The following SLMAP variants were observed in gnomAD, a reference collection of about 807,000 sequenced individuals.
The protein encoded by SLMAP is sarcolemma associated protein.
In SLMAP, 44 loss-of-function variants were observed where a neutral mutation model predicts 128.8. The observed-to-expected ratio is 0.34, with a 90% CI of 0.27 to 0.44. The LOEUF (loss-of-function observed/expected upper bound fraction) is 0.44. SLMAP is among the 20% of genes least tolerant of loss of function. The pLI, the probability that SLMAP is intolerant of heterozygous loss-of-function variation, is 1.00. For missense variants in SLMAP, 787 were observed against 985.3 expected (o/e 0.80, Z 2.69); for synonymous variants, 327 against 348.8 (o/e 0.94, Z 0.70).
At chr3:57,820,035 G>A (rs1252800047) in intron 2 of SLMAP, among the ~76,000 whole-genome samples, 4 of 152,150 alleles carry the variant, frequency 2.6e-5, no homozygotes, top group African/African-American at 9.7e-5. Flanking sequence ...ACAGGTGTGA[G>A]CCACTGTGCC....
chr3:57,895,603 G>C (rs1007004173), intron 15 of SLMAP, among the ~76,000 whole-genome samples: 2 of 151,850 alleles, frequency 1.3e-5, no homozygotes, highest in Non-Finnish European at 2.9e-5. Context: ...GAAAGTGCTG[G>C]GATTACAGGC....
In SLMAP at chr3:57,907,981, T is replaced by G; in HGVS notation, c.1599T>G (p.Ser533Arg). Residue 533 changes from serine to arginine, a missense_variant, in exon 18 of 25, where the codon AGT (serine) becomes AGG (arginine). Ser to Arg is a moderately radical substitution (Grantham distance 110, BLOSUM62 -1). This residue lies in a region of SLMAP where 715 missense variants were observed against 843.6 expected (regional missense o/e 0.85). Coordinates refer to ENST00000671191, the MANE Select transcript of SLMAP (RefSeq NM_001377540.1). Reference protein sequence around the residue: ...LIEAQELARTSKQKCFELQAL... With the variant: ...LIEAQELARTRKQKCFELQAL... ...AAGCCCAGGAGCTAGCTAGAACAAG[T>G]AAACAAAAATGCTTTGAACTTCAAG... 1.2e-5 allele frequency: 19 copies of G among 1,613,682 alleles called. No individual in the cohort carries two copies. The highest frequency in any genetic ancestry group is 1.5e-5 in the Non-Finnish European group (18 of 1,179,782).
At chr3:57,899,911 A>G (rs1171500711) in intron 17 of SLMAP, 3 of 152,196 alleles carry the variant, frequency 2.0e-5, no homozygotes, top group Admixed American at 1.3e-4. Flanking sequence ...TTTCTTTTGT[A>G]AAGTTTCTCT....
Position 57,890,074 on chromosome 3 carries a change from C to T in SLMAP, c.1334C>T (p.Ala445Val), listed in dbSNP as rs757740736. 1.9e-5 allele frequency: 31 copies of T among 1,613,758 alleles called. No homozygotes were observed. The highest frequency in any genetic ancestry group is 6.7e-5 in the African/African-American group (5 of 75,030). ...KLIVEGHLTKAVEETKLSKEN... is the reference protein window; with the variant it reads ...KLIVEGHLTKVVEETKLSKEN... ...ATCGTCGAAGGGCATCTAACCAAAG[C>T]GGTAGAAGAAACAAAGCTTTCAAAA... The change falls in exon 15 of 25, where the codon GCG (alanine) becomes GTG (valine). Residue 445 changes from alanine (A) to valine (V), a missense_variant. By Grantham distance (64) the Ala-to-Val change is moderately conservative. This residue lies in a region of SLMAP where 715 missense variants were observed against 843.6 expected (regional missense o/e 0.85). Transcript: ENST00000671191.
At chr3:57,912,746 AT>A in intron 20 of SLMAP, 45 bp downstream of exon 20, 1 of 1,432,198 alleles carries the variant, frequency 7.0e-7, no homozygotes, top group Non-Finnish European at 9.6e-7. Context: ...TTTGACAATG[AT>A]AACTTCTTAA....
At chr3:57,805,184 C>T (rs1326767627) in intron 2 of SLMAP, among the ~76,000 whole-genome samples, 1 of 151,996 alleles carries the variant, frequency 6.6e-6, no homozygotes, top group African/African-American at 2.4e-5. Context: ...TTTTTTCCCA[C>T]TGGGTTTTCC....
intron 24 of SLMAP, chr3:57,926,250 C>A: frequency 3.8e-6 from 1 of 264,896 alleles, no homozygotes. Flanking sequence ...ATATTAGTAC[C>A]CTCTTTCCAA....
At position 57,806,026 on chromosome 3, in the gene SLMAP, T is replaced by G. The variant is rs146966599; in HGVS notation, c.199-25357T>G. ...GCTAGTAGGTAAAACAGGGTTTTTT[T>G]TTTGTTTGTTTTGTTTTTTTTTTGT... On this transcript the variant is annotated intron_variant, in intron 2 of 24. Transcript: ENST00000671191. Among the ~76,000 whole-genome samples the G allele has an allele frequency of 8.5e-4, 130 of 152,066 alleles. 1 individual carries two copies. The East Asian group carries it at 0.013, about 15-fold the overall frequency.
intron 6 of SLMAP, among the ~76,000 whole-genome samples, chr3:57,851,049 C>T (rs2094480109): frequency 1.3e-5 from 2 of 152,162 alleles, no homozygotes; most frequent in African/African-American, 4.8e-5. Context: ...TAGCACTTTA[C>T]CTATATTATT....
chr3:57,785,295 G>C (rs1362904877), intron 2 of SLMAP, among the ~76,000 whole-genome samples: 1 of 152,148 alleles, frequency 6.6e-6, no homozygotes, highest in East Asian at 1.9e-4. Flanking sequence ...TTAACAAATA[G>C]GATTTTCTGA....
Position 57,820,015 on chromosome 3 carries a change from C to A in SLMAP, c.199-11368C>A, listed in dbSNP as rs188955068. 4.5e-3 allele frequency among the ~76,000 whole-genome samples: 691 copies of A among 152,208 alleles called. 6 individuals carry two copies. Among genetic ancestry groups the A allele is most frequent in the African/African-American group, 0.016 (665 of 41,548 alleles). On this transcript the variant is annotated intron_variant, in intron 2 of 24. Transcript: ENST00000671191. ...GATCCTTCCCCTCCACCTCCCAAAGCACTGGGATTACAGGTGTGAGCCACT... is the reference window on the plus strand; with the variant it reads ...GATCCTTCCCCTCCACCTCCCAAAGAACTGGGATTACAGGTGTGAGCCACT...
chr3:57,821,289 G>A (rs1409140071), intron 2 of SLMAP, among the ~76,000 whole-genome samples: 4 of 152,060 alleles, frequency 2.6e-5, no homozygotes, highest in African/African-American at 9.7e-5. Context: ...TTATTGTACA[G>A]TGAACACATC....
chr3:57,917,321 C>T, intron 22 of SLMAP: 1 of 928,650 alleles, frequency 1.1e-6, no homozygotes, highest in Non-Finnish European at 1.5e-6. Context: ...TTTTCTCTAC[C>T]AGTTACTTAT....
At chr3:57,763,255 G>A (rs2079041301) in intron 2 of SLMAP, among the ~76,000 whole-genome samples, 1 of 151,070 alleles carries the variant, frequency 6.6e-6, no homozygotes, top group Non-Finnish European at 1.5e-5. Context: ...CTAGTCTCAC[G>A]TTTAATTTAA....
Position 57,864,561 on chromosome 3 carries a change from A to T in SLMAP, c.980A>T (p.Lys327Ile). The change falls in exon 11 of 25, where the codon AAA (lysine) becomes ATA (isoleucine). Residue 327 changes from lysine (K) to isoleucine (I), a missense_variant. By Grantham distance (102) the Lys-to-Ile change is moderately radical. Transcript: ENST00000671191. ...TTATTTTTCTAGGTAGCAGAGGGAA[A>T]ACAAGAGGAAATCCAACAGAAGGGA... ...LSDKLKVAEG[K>I]QEEIQQKGQA... The T allele has an allele frequency of 6.4e-7, 1 of 1,570,716 alleles. No homozygotes were observed.
intron 8 of SLMAP, among the ~76,000 whole-genome samples, chr3:57,859,666 A>G (rs2094957116): frequency 6.6e-6 from 1 of 152,160 alleles, no homozygotes; most frequent in African/African-American, 2.4e-5. Flanking sequence ...ATAGGTATGT[A>G]AAGGCATAAA....
intron 2 of SLMAP, among the ~76,000 whole-genome samples, chr3:57,789,323 G>A (rs2084932421): frequency 6.6e-6 from 1 of 152,134 alleles, no homozygotes; most frequent in Non-Finnish European, 1.5e-5. Flanking sequence ...TACAGCATGG[G>A]CAATTGGGAA....
intron 24 of SLMAP, among the ~76,000 whole-genome samples, chr3:57,926,514 C>G (rs1461544202): frequency 6.6e-6 from 1 of 152,130 alleles, no homozygotes; most frequent in Non-Finnish European, 1.5e-5. Flanking sequence ...CTTTCTGAGC[C>G]CTGACCTGCA....
At chr3:57,817,902 T>G (rs1192692813) in intron 2 of SLMAP, among the ~76,000 whole-genome samples, 1 of 152,254 alleles carries the variant, frequency 6.6e-6, no homozygotes, top group African/African-American at 2.4e-5. Context: ...GTCTGATTGC[T>G]ATTTTACTAT....
Sources: gnomAD v4.1 joint callset for allele counts (sites outside exome capture counted in the v4.1 genomes callset) on GRCh38, gnomAD v4.1.1 for gene constraint, gnomAD v4.1.1 regional missense constraint, MANE v1.5 for transcripts, NCBI Gene and HGNC (gene_info 2026-07-23, HGNC 2026-07-21) for gene names.